The following CNGA3 variants were observed in gnomAD, a reference collection of about 807,000 sequenced individuals.
CNGA3 encodes cyclic nucleotide gated channel subunit alpha 3, also known as cyclic nucleotide-gated channel alpha-3.
In CNGA3, 42 loss-of-function variants were observed where a neutral mutation model predicts 46.6. That is an observed-to-expected ratio of 0.90 (90% CI 0.70 to 1.17). The LOEUF is 1.17. Ranked by LOEUF, CNGA3 falls within the 50% of genes most tolerant of loss-of-function variation. CNGA3 has a pLI of 0.00. For missense variants in CNGA3, 893 were observed against 890.7 expected, an observed-to-expected ratio of 1.00 and a Z score of -0.03; for synonymous variants, 394 against 369.4, an observed-to-expected ratio of 1.07 and a Z score of -0.76.
intron 4 of CNGA3, among the ~76,000 whole-genome samples, chr2:98,383,112 G>A (rs1306399793): frequency 6.6e-6 from 1 of 152,170 alleles, no homozygotes; most frequent in Non-Finnish European, 1.5e-5. Flanking sequence ...TTTGAGGCAG[G>A]GAAGCTGGAA....
rs190014426 is a variant in CNGA3, at chr2:98,396,513, A to C, written c.1343A>C (p.Lys448Thr). The C allele has an allele frequency of 6.2e-7, 1 of 1,614,046 alleles. No homozygotes were observed. The highest frequency in any genetic ancestry group is 8.5e-7 in the Non-Finnish European group (1 of 1,180,022). The stretch of plus-strand genomic sequence containing the variant: ...TGGTTTGACTACCTGTGGGCCAACA[A>C]GAAGACGGTGGATGAGAAGGAGGTG... The part of the protein sequence containing the change: ...IRWFDYLWAN[K>T]KTVDEKEVLK... Residue 448 changes from lysine to threonine, a missense_variant, in exon 8 of 8, where the codon AAG (lysine) becomes ACG (threonine). Lys to Thr is a moderately conservative substitution (Grantham distance 78). This residue lies in a region of CNGA3 where 548 missense variants were observed against 570.8 expected (regional missense o/e 0.96). Coordinates refer to ENST00000272602, the MANE Select transcript of CNGA3 (RefSeq NM_001298.3).
intron 1 of CNGA3, among the ~76,000 whole-genome samples, chr2:98,367,340 A>G (rs1013341906): frequency 3.3e-5 from 5 of 151,510 alleles, no homozygotes; most frequent in East Asian, 1.9e-4. Context: ...GACTACAGGC[A>G]CCCACCACCA....
chr2:98,383,349 A>G, intron 4 of CNGA3, 39 bp from the exon 5 acceptor site: 1 of 1,604,438 alleles, frequency 6.2e-7, no homozygotes, highest in South Asian at 1.1e-5. Context: ...GAATGGAAAC[A>G]GAGTTCAGAC....
rs1032954704 is a variant in CNGA3, at chr2:98,389,859, G to A, written c.566+85G>A. On this transcript the variant is annotated intron_variant, in intron 6 of 7. Transcript: ENST00000272602. ...AGCCAGAGCTCCACCTCTCCCTCGG[G>A]AGGCCTGAGGCCTGGACCCCTCACG... 3 of 1,036,734 alleles carry A rather than the reference G, an allele frequency of 2.9e-6. No individual in the cohort carries two copies. The East Asian group carries it at 7.2e-5, about 25-fold the overall frequency. 64.2% of individuals were successfully genotyped at this position (1,036,734 alleles called of 1,614,324 possible).
intron 2 of CNGA3, among the ~76,000 whole-genome samples, chr2:98,372,549 T>C (rs1343355521): frequency 1.3e-5 from 2 of 152,188 alleles, no homozygotes; most frequent in Non-Finnish European, 2.9e-5. Context: ...CAGCACAAGC[T>C]TGGGGTCAGA....
chr2:98,354,255 T>C (rs931371864), intron 1 of CNGA3, among the ~76,000 whole-genome samples: 1 of 152,236 alleles, frequency 6.6e-6, no homozygotes, highest in African/African-American at 2.4e-5. Context: ...ATATTTTCAA[T>C]CTGTGATTGG....
chr2:98,363,338 G>A (rs139525085), intron 1 of CNGA3, among the ~76,000 whole-genome samples: 259 of 152,256 alleles, frequency 1.7e-3, no homozygotes, highest in Non-Finnish European at 3.2e-3. Flanking sequence ...GCAGTGGTTT[G>A]TAGTTCTCCT....
At chr2:98,381,941 A>G (rs148881175) in intron 4 of CNGA3, among the ~76,000 whole-genome samples, 154 of 152,308 alleles carry the variant, frequency 1.0e-3, no homozygotes, top group Non-Finnish European at 1.9e-3. Flanking sequence ...AGACTGGTCT[A>G]ATTCCTTTTG....
chr2:98,379,311 T>G (rs1342206132), intron 3 of CNGA3, among the ~76,000 whole-genome samples: 1 of 152,252 alleles, frequency 6.6e-6, no homozygotes, highest in Admixed American at 6.5e-5. Flanking sequence ...TGTTCAGTAC[T>G]GACTCTGGCT....
At chr2:98,366,311 C>T (rs2104163968) in intron 1 of CNGA3, among the ~76,000 whole-genome samples, 1 of 152,292 alleles carries the variant, frequency 6.6e-6, no homozygotes. Flanking sequence ...TGACCTGATG[C>T]CGGCAAGAAC....
At chr2:98,385,178 A>G (rs1358212857) in intron 5 of CNGA3, among the ~76,000 whole-genome samples, 1 of 152,160 alleles carries the variant, frequency 6.6e-6, no homozygotes, top group East Asian at 1.9e-4. Flanking sequence ...ATCCAGGGCC[A>G]CAAATCTTGC....
Position 98,396,846 on chromosome 2 carries a change from A to C in CNGA3, c.1676A>C (p.Lys559Thr), listed in dbSNP as rs1164147578. The C allele has an allele frequency of 6.2e-7, 1 of 1,614,036 alleles. No individual in the cohort carries two copies. Among genetic ancestry groups the C allele is most frequent in the Admixed American group, 1.7e-5 (1 of 59,998 alleles). Residue 559 changes from lysine (K) to threonine (T), a missense_variant, in exon 8 of 8, where the codon AAG becomes ACG. Around this residue, in one of 3 missense-constraint regions of CNGA3, gnomAD observed 548 missense variants for 570.8 expected, o/e 0.96. Coordinates refer to ENST00000272602, the MANE Select transcript of CNGA3 (RefSeq NM_001298.3). ...AGCATTCTGAACATCAAGGGGAGCAAGTCGGGGAACCGCAGGACGGCCAAC... is the reference window on the plus strand; with the variant it reads ...AGCATTCTGAACATCAAGGGGAGCACGTCGGGGAACCGCAGGACGGCCAAC... ...EISILNIKGS[K>T]SGNRRTANIR...
chr2:98,362,326 C>T (rs1692054154), intron 1 of CNGA3, among the ~76,000 whole-genome samples: 1 of 151,606 alleles, frequency 6.6e-6, no homozygotes, highest in Non-Finnish European at 1.5e-5. Flanking sequence ...ATTACAGGCG[C>T]CTGCCACCAC....
At chr2:98,377,354 A>C in intron 2 of CNGA3, 1 of 274,524 alleles carries the variant, frequency 3.6e-6, no homozygotes, top group Non-Finnish European at 7.1e-6. Context: ...ATTTTATGGA[A>C]GCAGCTGCTT....
At chr2:98,390,555 C>G (rs938864882) in intron 6 of CNGA3, among the ~76,000 whole-genome samples, 1 of 152,142 alleles carries the variant, frequency 6.6e-6, no homozygotes, top group Non-Finnish European at 1.5e-5. Context: ...AGCCAGGGGC[C>G]TGGGCTTTTC....
At chr2:98,376,671 C>G (rs1350403672) in intron 2 of CNGA3, among the ~76,000 whole-genome samples, 6 of 152,106 alleles carry the variant, frequency 3.9e-5, no homozygotes, top group Admixed American at 3.3e-4. Flanking sequence ...AAGCTTTTCC[C>G]TGGTATTAAT....
intron 1 of CNGA3, among the ~76,000 whole-genome samples, chr2:98,362,481 T>C (rs1692057318): frequency 6.6e-6 from 1 of 152,114 alleles, no homozygotes; most frequent in Middle Eastern, 3.4e-3. Flanking sequence ...ACACCCGGCC[T>C]GCCCACTTTT....
In CNGA3 at chr2:98,366,448, G is replaced by A. The variant is rs139484691; in HGVS notation, c.-37-3491G>A. Among the ~76,000 whole-genome samples the A allele has an allele frequency of 2.4e-3, 363 of 152,318 alleles. 1 individual carries two copies. The East Asian group carries it at 0.027, about 11-fold the overall frequency. On this transcript the variant is annotated intron_variant, in intron 1 of 7. Coordinates refer to ENST00000272602, the MANE Select transcript of CNGA3 (RefSeq NM_001298.3). ...AGCAGAGGGCATGCGCTGCACTTGCGGGGGATCCCACTCATCCAGACTGCC... is the reference window on the plus strand; with the variant it reads ...AGCAGAGGGCATGCGCTGCACTTGCAGGGGATCCCACTCATCCAGACTGCC...
In CNGA3 at chr2:98,397,221, G is replaced by T; in HGVS notation, c.2051G>T (p.Gly684Val). 1 of 1,613,950 alleles carries T rather than the reference G, an allele frequency of 6.2e-7. No homozygotes were observed. Among genetic ancestry groups the T allele is most frequent in the East Asian group, 2.2e-5 (1 of 44,884 alleles). Residue 684 changes from glycine (G) to valine (V), a missense_variant, in exon 8 of 8, where the codon GGG (glycine) becomes GTG (valine). Physicochemically the swap from Gly to Val is moderately radical, Grantham distance 109. Around this residue, in one of 3 missense-constraint regions of CNGA3, gnomAD observed 548 missense variants for 570.8 expected, o/e 0.96. Transcript: ENST00000272602. The part of the protein sequence containing the change: ...DKPLADGEVP[G>V]DATKTEDKQQ ...CCCCTGGCTGATGGGGAAGTTCCCG[G>T]GGATGCTACAAAAACAGAGGACAAA...
Sources: gnomAD v4.1 joint callset for allele counts (sites outside exome capture counted in the v4.1 genomes callset) on GRCh38, gnomAD v4.1.1 for gene constraint, gnomAD v4.1.1 regional missense constraint, MANE v1.5 for transcripts, NCBI Gene and HGNC (gene_info 2026-07-23, HGNC 2026-07-21) for gene names.